PPP1R36: variants seen among roughly 807,000 people sequenced by gnomAD.
The protein encoded by PPP1R36 is protein phosphatase 1 regulatory subunit 36.
PPP1R36 carries 47 observed loss-of-function variants against 53.4 expected under a neutral mutation model. The ratio of observed to expected loss-of-function variants is 0.88; its 90% CI spans 0.70 to 1.12. The LOEUF (loss-of-function observed/expected upper bound fraction) is 1.12. PPP1R36 is among the 50% of genes most tolerant of loss of function. PPP1R36 has a pLI of 0.00. For missense variants in PPP1R36, 456 were observed against 513.9 expected (o/e 0.89, Z 1.09); for synonymous variants, 153 against 170.5 (o/e 0.90, Z 0.80).
In PPP1R36 at chr14:64,558,850, G is replaced by T. The variant is rs577191464; in HGVS notation, c.183-5901G>T. Among the ~76,000 whole-genome samples, 16 of 151,850 alleles carry T rather than the reference G, an allele frequency of 1.1e-4. No individual in the cohort carries two copies. In the East Asian group the frequency reaches 3.1e-3, roughly 30 times the overall value. On this transcript the variant is annotated intron_variant, in intron 3 of 11. Coordinates refer to ENST00000298705, the MANE Select transcript of PPP1R36 (RefSeq NM_172365.3). ...GGGTTTTCACAATGTTGGCTAGGTTGGCCTCAAACTCCTGACCTCAGGTGA... is the reference window on the plus strand; with the variant it reads ...GGGTTTTCACAATGTTGGCTAGGTTTGCCTCAAACTCCTGACCTCAGGTGA...
chr14:64,588,296 G>GT lies in PPP1R36; in HGVS notation c.1082+2dup. On this transcript the variant is annotated splice_donor_variant, in intron 11 of 11. Coordinates refer to ENST00000298705, the MANE Select transcript of PPP1R36 (RefSeq NM_172365.3). LOFTEE classifies it high-confidence loss of function. The stretch of plus-strand genomic sequence containing the variant: ...CTCTGGACTCTGTGCCCATGCCGGT[G>GT]TAAGTGGCTTGGCAAGAGAAGCATG... 2 of 1,598,934 alleles carry GT rather than the reference G, an allele frequency of 1.3e-6. No individual in the cohort carries two copies. The highest frequency in any genetic ancestry group is 1.7e-6 in the Non-Finnish European group (2 of 1,169,716).
At chr14:64,573,978 C>G (rs1345089358) in intron 7 of PPP1R36, among the ~76,000 whole-genome samples, 2 of 138,166 alleles carry the variant, frequency 1.4e-5, no homozygotes, top group Non-Finnish European at 3.1e-5. Context: ...GATGCTGATT[C>G]CAATGATTAA....
At chr14:64,578,205 C>A (rs1304983970) in intron 8 of PPP1R36, among the ~76,000 whole-genome samples, 2 of 152,174 alleles carry the variant, frequency 1.3e-5, no homozygotes, top group African/African-American at 2.4e-5. Context: ...CCACCTGCCT[C>A]GGCCTCCCAA....
chr14:64,555,620 C>G (rs932050153), intron 3 of PPP1R36, among the ~76,000 whole-genome samples: 2 of 151,984 alleles, frequency 1.3e-5, no homozygotes, highest in African/African-American at 2.4e-5. Flanking sequence ...GTTGAGGGGA[C>G]AGGATTGCTT....
At chr14:64,559,569 T>G (rs2080187658) in intron 3 of PPP1R36, 1 of 152,226 alleles carries the variant, frequency 6.6e-6, no homozygotes, top group Admixed American at 6.5e-5. Flanking sequence ...GCCATTTGAT[T>G]TGGGGAGGAA....
At chr14:64,578,973 T>G (rs1035299826) in intron 8 of PPP1R36, among the ~76,000 whole-genome samples, 1 of 152,218 alleles carries the variant, frequency 6.6e-6, no homozygotes, top group African/African-American at 2.4e-5. Flanking sequence ...TGGATAGAGC[T>G]GGAGGCTATT....
chr14:64,557,192 G>C (rs1305018889), intron 3 of PPP1R36, among the ~76,000 whole-genome samples: 1 of 152,096 alleles, frequency 6.6e-6, no homozygotes, highest in Non-Finnish European at 1.5e-5. Flanking sequence ...ATGGTGTAAT[G>C]AACCCCAACA....
At chr14:64,551,957 A>C (rs2080097218) in intron 2 of PPP1R36, among the ~76,000 whole-genome samples, 1 of 152,230 alleles carries the variant, frequency 6.6e-6, no homozygotes, top group Admixed American at 6.5e-5. Context: ...ATTACAGATA[A>C]TTATACAAGT....
At chr14:64,571,072 T>C (rs180893901) in intron 7 of PPP1R36, among the ~76,000 whole-genome samples, 28 of 152,304 alleles carry the variant, frequency 1.8e-4, no homozygotes, top group Admixed American at 1.8e-3. Flanking sequence ...TATCTGTCCG[T>C]AATTAGAATT....
At chr14:64,551,652 G>C (rs949396845) in intron 2 of PPP1R36, 11 of 456,118 alleles carry the variant, frequency 2.4e-5, no homozygotes, top group Admixed American at 4.7e-5. Context: ...ACAAGGCTCA[G>C]GGAGATTAAG....
At position 64,587,371 on chromosome 14, in the gene PPP1R36, A is replaced by G; in HGVS notation, c.889A>G (p.Arg297Gly). The G allele has an allele frequency of 1.3e-6, 2 of 1,588,156 alleles. No homozygotes were observed. The highest frequency in any genetic ancestry group is 1.7e-6 in the Non-Finnish European group (2 of 1,166,784). ...GAAACGCATGACTTTTGTTCAGTTC[A>G]GGTATGACCTTTTGACTTTCCTATG... ...EKKRMTFVQFRRMMAKRPAIK... is the reference protein window; with the variant it reads ...EKKRMTFVQFGRMMAKRPAIK... Residue 297 changes from arginine to glycine, a missense_variant and splice_region_variant, in exon 10 of 12, where the codon AGG becomes GGG. Coordinates refer to ENST00000298705, the MANE Select transcript of PPP1R36 (RefSeq NM_172365.3).
At position 64,565,382 on chromosome 14, in the gene PPP1R36, A is replaced by G. The variant is rs775167618; in HGVS notation, c.295A>G (p.Lys99Glu). ...DRLTDKRLAA[K>E]DDKSAKAVEK... is the part of the protein sequence containing the mutation. ...GTTGACAGATAAAAGACTTGCTGCA[A>G]AAGATGATAAGTCAGCTAAAGCTGT... The change falls in exon 5 of 12, where the codon AAA becomes GAA. Residue 99 changes from lysine to glutamate, a missense_variant. Lys to Glu is a moderately conservative substitution (Grantham distance 56). Transcript: ENST00000298705. 1.9e-5 allele frequency: 31 copies of G among 1,613,180 alleles called. No homozygotes were observed. Among genetic ancestry groups the G allele is most frequent in the Non-Finnish European group, 2.4e-5 (28 of 1,179,438 alleles).
chr14:64,564,805 C>T lies in PPP1R36; in HGVS notation c.237C>T (p.His79=), dbSNP rs1440697765. 2 of 1,610,690 alleles carry T rather than the reference C, an allele frequency of 1.2e-6. No homozygotes were observed. Residue 79 remains histidine (H), a synonymous_variant, in exon 4 of 12, where the codon CAC becomes CAT. Transcript: ENST00000298705. The part of the protein sequence containing the change: ...KEKGKKGKAV[H]FAETDGPASD... ...AAGGAAAGAAAGGCAAAGCAGTTCA[C>T]TTTGCAGAAACTGATGGTCCAGCTT...
At chr14:64,551,097 T>C in intron 2 of PPP1R36, 112 bp downstream of exon 2, 1 of 676,144 alleles carries the variant, frequency 1.5e-6, no homozygotes, top group East Asian at 2.8e-5. Context: ...CTTTGCCATC[T>C]GGAAGGAAAC....
At chr14:64,550,223 G>GAA (rs1555350770) in intron 1 of PPP1R36, 157 bp downstream of exon 1, 8,644 of 1,173,840 alleles carry the variant, frequency 7.4e-3, no homozygotes, top group Non-Finnish European at 8.0e-3. Context: ...TATTTGCCTA[G>GAA]AAAAAAAAAA....
chr14:64,576,511 A>C (rs568475816), intron 8 of PPP1R36, among the ~76,000 whole-genome samples: 1 of 152,332 alleles, frequency 6.6e-6, no homozygotes, highest in African/African-American at 2.4e-5. Flanking sequence ...TAAAAAACAG[A>C]TATACATATG....
At chr14:64,574,983 A>G (rs1375121578) in intron 8 of PPP1R36, among the ~76,000 whole-genome samples, 1 of 152,202 alleles carries the variant, frequency 6.6e-6, no homozygotes, top group Admixed American at 6.5e-5. Context: ...TTGCAGCAGC[A>G]ACAATTGTGA....
intron 3 of PPP1R36, 114 bp downstream of exon 3, chr14:64,552,975 ATTT>A: frequency 2.7e-5 from 19 of 703,492 alleles, no homozygotes; most frequent in East Asian, 3.5e-5. Context: ...TTAAGTGCCA[ATTT>A]TTTTTTTTTT....
At chr14:64,584,496 C>A (rs1405392194) in intron 8 of PPP1R36, among the ~76,000 whole-genome samples, 3 of 152,202 alleles carry the variant, frequency 2.0e-5, no homozygotes, top group African/African-American at 7.2e-5. Context: ...AATTTCACAT[C>A]AGCACACCCC....
Sources: gnomAD v4.1 joint callset for allele counts (sites outside exome capture counted in the v4.1 genomes callset) on GRCh38, gnomAD v4.1.1 for gene constraint, MANE v1.5 for transcripts, NCBI Gene and HGNC (gene_info 2026-07-23, HGNC 2026-07-21) for gene names.